CFAP206: variants seen among roughly 807,000 people sequenced by gnomAD.
CFAP206 encodes cilia- and flagella-associated protein 206.
In CFAP206, 53 loss-of-function variants were observed where a neutral mutation model predicts 65.4. That is an observed-to-expected ratio of 0.81 (90% confidence interval 0.65 to 1.02). The LOEUF is 1.02. Ranked by LOEUF, CFAP206 falls within the 50% of genes least tolerant of loss-of-function variation. The probability of loss-of-function intolerance (pLI) is 0.00; values close to 1 mark genes in which losing one functional copy is unlikely to be tolerated. For missense variants in CFAP206, 663 were observed against 753.2 expected (o/e 0.88, Z 1.40); for synonymous variants, 250 against 254.4 (o/e 0.98, Z 0.17).
intron 11 of CFAP206, among the ~76,000 whole-genome samples, chr6:87,449,179 G>T (rs1367653512): frequency 6.6e-6 from 1 of 152,070 alleles, no homozygotes; most frequent in East Asian, 1.9e-4. Context: ...GCTCACGCCT[G>T]TAATCCCAAC....
At chr6:87,463,902 GAATT>G (rs1320372007) in intron 12 of CFAP206, 114 bp from the exon 13 acceptor site, 1 of 649,480 alleles carries the variant, frequency 1.5e-6, no homozygotes, top group Non-Finnish European at 2.5e-6. Context: ...CTATGTTATG[GAATT>G]AATTTCTTGT....
intron 6 of CFAP206, among the ~76,000 whole-genome samples, chr6:87,417,280 A>G (rs1767850355): frequency 6.6e-6 from 1 of 152,350 alleles, no homozygotes; most frequent in African/African-American, 2.4e-5. Flanking sequence ...TTATATACTT[A>G]ATGCATTCTT....
rs1174537466 is a variant in CFAP206, at chr6:87,415,846, A to C, written c.444A>C (p.Thr148=). 1.9e-6 allele frequency: 3 copies of C among 1,594,790 alleles called. No homozygotes were observed. Among genetic ancestry groups the C allele is most frequent in the Non-Finnish European group, 2.6e-6 (3 of 1,172,710 alleles). ...TCCGCTCTGGCCTTGGATCCCCTAC[A>C]GACATCAAGACTGTCAGAGAGGTAA... ...VLLRSGLGSP[T]DIKTVREVTA... The change falls in exon 5 of 13, where the codon ACA becomes ACC. Residue 148 remains threonine (T), a synonymous_variant. Coordinates refer to ENST00000369562, the MANE Select transcript of CFAP206 (RefSeq NM_001031743.3).
chr6:87,438,460 C>CA (rs757336468), intron 11 of CFAP206, among the ~76,000 whole-genome samples: 3,609 of 110,876 alleles, frequency 0.033, 187 homozygotes, highest in African/African-American at 0.096. Context: ...ACTCTTGTCT[C>CA]AAAAAAAAAA....
chr6:87,413,305 A>C (rs1292042424), intron 3 of CFAP206, among the ~76,000 whole-genome samples: 1 of 152,248 alleles, frequency 6.6e-6, no homozygotes, highest in Non-Finnish European at 1.5e-5. Flanking sequence ...CATAAAAAAT[A>C]ATGAAATCAT....
chr6:87,446,447 G>A (rs1281320212), intron 11 of CFAP206, among the ~76,000 whole-genome samples: 1 of 152,154 alleles, frequency 6.6e-6, no homozygotes, highest in African/African-American at 2.4e-5. Context: ...AGTTCTTCCA[G>A]CACCATTTAT....
Position 87,445,438 on chromosome 6 carries a change from T to C in CFAP206, c.1494+10385T>C, listed in dbSNP as rs139110004. Among the ~76,000 whole-genome samples, 164 of 152,252 alleles carry C rather than the reference T, an allele frequency of 1.1e-3. No individual in the cohort carries two copies. The East Asian group carries it at 0.025, about 23-fold the overall frequency. On this transcript the variant is annotated intron_variant, in intron 11 of 12. Transcript: ENST00000369562. ...TTTCTCATTGTTCAGCTCCCACTTA[T>C]AAGTGAGAACACGTGGTGTTTGGTT...
intron 10 of CFAP206, 137 bp downstream of exon 10, chr6:87,431,310 A>T (rs1768151325): frequency 2.4e-6 from 2 of 850,224 alleles, no homozygotes; most frequent in Non-Finnish European, 3.6e-6. Context: ...TACAAAGATG[A>T]TCCAGACAAA....
At chr6:87,413,135 C>A (rs1246041840) in intron 3 of CFAP206, among the ~76,000 whole-genome samples, 29 of 152,156 alleles carry the variant, frequency 1.9e-4, no homozygotes, top group Non-Finnish European at 1.5e-5. Context: ...AGACTACTAG[C>A]CACCTGGCAT....
At chr6:87,410,733 TTA>T in intron 3 of CFAP206, 65 bp downstream of exon 3, 1 of 1,217,910 alleles carries the variant, frequency 8.2e-7, no homozygotes, top group South Asian at 1.2e-5. Flanking sequence ...AATATTTGTA[TTA>T]GTCATTATTG....
chr6:87,422,479 C>T (rs543538096), intron 7 of CFAP206, among the ~76,000 whole-genome samples: 1,512 of 127,788 alleles, frequency 0.012, 30 homozygotes, highest in African/African-American at 0.042. Flanking sequence ...AGGCCGGGTG[C>T]GGTGGCTCAC....
chr6:87,464,116 AGC>A lies in CFAP206; in HGVS notation c.1736_1737del (p.Ser579AsnfsTer31). 1 of 1,614,218 alleles carries A rather than the reference AGC, an allele frequency of 6.2e-7. No individual in the cohort carries two copies. The highest frequency in any genetic ancestry group is 8.5e-7 in the Non-Finnish European group (1 of 1,180,018). The stretch of plus-strand genomic sequence containing the variant: ...CCAAGTGTACCCTCCAAAGGACACT[AGC>A]ACCCAGTCCATGAGGGAAGACAGCA... ...CSQVYPPKDT[S>X]TQSMREDSTG... On this transcript the variant is annotated frameshift_variant, in exon 13 of 13. Transcript: ENST00000369562. LOFTEE classifies it high-confidence loss of function.
At chr6:87,441,942 C>T (rs757908654) in intron 11 of CFAP206, 21 of 274,238 alleles carry the variant, frequency 7.7e-5, no homozygotes, top group South Asian at 1.8e-4. Flanking sequence ...TGGAGATAAA[C>T]GTGCTACTGT....
chr6:87,419,420 A>G (rs1426343080), intron 7 of CFAP206, among the ~76,000 whole-genome samples: 1 of 152,186 alleles, frequency 6.6e-6, no homozygotes, highest in African/African-American at 2.4e-5. Context: ...GAATCTTACA[A>G]ATATAAAACA....
rs111925212 is a variant in CFAP206, at chr6:87,464,428, G to T, written c.*178G>T. ...TTTTCTGTAACACATTTTTCATTCTGTTGAAATTGAAAAATAAAACTGTCC... is the reference window on the plus strand; with the variant it reads ...TTTTCTGTAACACATTTTTCATTCTTTTGAAATTGAAAAATAAAACTGTCC... On this transcript the variant is annotated 3_prime_UTR_variant, in exon 13 of 13. Transcript: ENST00000369562. 1 of 436,098 alleles carries T rather than the reference G, an allele frequency of 2.3e-6. No homozygotes were observed. 27.0% of individuals were successfully genotyped at this position (436,098 alleles called of 1,614,324 possible).
intron 11 of CFAP206, among the ~76,000 whole-genome samples, chr6:87,438,145 TA>T (rs1768304855): frequency 6.6e-6 from 1 of 152,026 alleles, no homozygotes; most frequent in African/African-American, 2.4e-5. Flanking sequence ...AGGGAAAAAT[TA>T]GGAGGATTAC....
intron 7 of CFAP206, among the ~76,000 whole-genome samples, chr6:87,423,248 A>C (rs924216600): frequency 7.7e-5 from 9 of 117,510 alleles, no homozygotes; most frequent in South Asian, 2.6e-4. Context: ...TTATTTTTTT[A>C]TTTTTCTTTT....
chr6:87,432,351 G>A (rs1248666544), intron 10 of CFAP206, among the ~76,000 whole-genome samples: 1 of 152,176 alleles, frequency 6.6e-6, no homozygotes, highest in Non-Finnish European at 1.5e-5. Flanking sequence ...GAGGCCCAGT[G>A]AGGGTCACTG....
rs774364253 is a variant in CFAP206, at chr6:87,413,791, A to G, written c.193-19A>G. The G allele has an allele frequency of 8.6e-5, 123 of 1,422,460 alleles. No individual in the cohort carries two copies. Among genetic ancestry groups the G allele is most frequent in the Non-Finnish European group, 1.2e-4 (120 of 1,033,252 alleles). The allele number at this position is 1,422,460 out of a possible 1,614,324, so 88.1% of individuals were successfully genotyped here. A position where few individuals can be genotyped will look rare whatever the true frequency, so the allele number is the denominator to read the frequency against. ...TCAAAAACTATAACTAGAAGTATTC[A>G]TGGGACATTCTTTTCTAGCTTTGTA... On this transcript the variant is annotated intron_variant, in intron 3 of 12. Coordinates refer to ENST00000369562, the MANE Select transcript of CFAP206 (RefSeq NM_001031743.3).
Sources: allele counts gnomAD v4.1 joint callset (sites outside exome capture counted in the v4.1 genomes callset), GRCh38; gene constraint gnomAD v4.1.1; transcripts MANE v1.5; gene names NCBI Gene and HGNC (gene_info 2026-07-23, HGNC 2026-07-21).